Variants in ULK1 observed in about 807,000 individuals in gnomAD.
The protein encoded by ULK1 is serine/threonine-protein kinase ULK1.
ULK1 carries 48 observed loss-of-function variants against 117.5 expected under a neutral mutation model. The ratio of observed to expected loss-of-function variants is 0.41; its 90% CI spans 0.32 to 0.52. The LOEUF is 0.52. Ranked by LOEUF, ULK1 falls within the 20% of genes least tolerant of loss-of-function variation. ULK1 has a pLI of 0.29. For synonymous variants in ULK1, 790 were observed against 637.8 expected, an observed-to-expected ratio of 1.24 and a Z score of -3.60; for missense variants, 1,387 against 1,473.4, an observed-to-expected ratio of 0.94 and a Z score of 0.96.
At chr12:131,900,141 G>A (rs1338713580) in intron 3 of ULK1, among the ~76,000 whole-genome samples, 2 of 144,054 alleles carry the variant, frequency 1.4e-5, no homozygotes, top group African/African-American at 5.2e-5. Flanking sequence ...AAAAAAAACT[G>A]TTGTGGTTGT....
In ULK1 at chr12:131,895,837, G is replaced by T; in HGVS notation, c.246+13G>T. 1 of 1,614,098 alleles carries T rather than the reference G, an allele frequency of 6.2e-7. No individual in the cohort carries two copies. The highest frequency in any genetic ancestry group is 2.2e-5 in the East Asian group (1 of 44,876). ...GTACGACTTCCAGGTAAGGCCTCTGGGCTGCGGTCTGCTGGGGACCGGGCT... is the reference window on the plus strand; with the variant it reads ...GTACGACTTCCAGGTAAGGCCTCTGTGCTGCGGTCTGCTGGGGACCGGGCT... On this transcript the variant is annotated intron_variant, in intron 3 of 27. Transcript: ENST00000321867.
chr12:131,918,877 CGGGTGTGTGGGGTGTA>C (rs1566129148), intron 23 of ULK1, among the ~76,000 whole-genome samples, 196 bp downstream of exon 23: 6 of 1,518 alleles, frequency 4.0e-3, no homozygotes, highest in African/African-American at 6.4e-3. Flanking sequence ...TGTGGGGTGT[CGGGTGTGTGGGGTGTA>C]GGGTGTGGGG....
intron 3 of ULK1, among the ~76,000 whole-genome samples, chr12:131,904,392 C>T (rs1440348468): frequency 6.6e-6 from 1 of 152,220 alleles, no homozygotes; most frequent in Non-Finnish European, 1.5e-5. Context: ...AGGCGATCCT[C>T]TTGGCTTGGC....
intron 3 of ULK1, among the ~76,000 whole-genome samples, chr12:131,901,766 C>T (rs1889099810): frequency 6.6e-6 from 1 of 151,976 alleles, no homozygotes; most frequent in African/African-American, 2.4e-5. Flanking sequence ...TCTCAGCCAC[C>T]TGAAGGACAG....
intron 3 of ULK1, among the ~76,000 whole-genome samples, chr12:131,901,489 T>G (rs1446929431): frequency 6.6e-6 from 1 of 152,126 alleles, no homozygotes; most frequent in Non-Finnish European, 1.5e-5. Flanking sequence ...CCCGGGCCGC[T>G]CTCCTCCCTC....
rs992384233 is a variant in ULK1 at position 131,922,166 on chromosome 12, A to C, written c.*805A>C. 21 of 369,078 alleles carry C rather than the reference A, an allele frequency of 5.7e-5. No homozygotes were observed. Among genetic ancestry groups the C allele is most frequent in the Non-Finnish European group, 8.1e-5 (15 of 184,820 alleles). 22.9% of individuals were successfully genotyped at this position (369,078 alleles called of 1,614,324 possible). On this transcript the variant is annotated 3_prime_UTR_variant, in exon 28 of 28. Coordinates refer to ENST00000321867, the MANE Select transcript of ULK1 (RefSeq NM_003565.4). ...CCTAAAACGTGTCTTATTTTTATGC[A>C]GCTCATTTTTTCTTTAAAGGAGAAA...
chr12:131,906,247 C>T (rs1234852197), intron 3 of ULK1, among the ~76,000 whole-genome samples: 1 of 152,212 alleles, frequency 6.6e-6, no homozygotes, highest in East Asian at 1.9e-4. Flanking sequence ...GCACGCACCA[C>T]CACGCCTGGC....
At chr12:131,911,253 C>T (rs1466020091) in intron 12 of ULK1, among the ~76,000 whole-genome samples, 1 of 152,190 alleles carries the variant, frequency 6.6e-6, no homozygotes, top group Non-Finnish European at 1.5e-5. Flanking sequence ...GTCCATCTGA[C>T]TGGGAGCCTG....
chr12:131,910,779 C>T lies in ULK1; in HGVS notation c.927C>T (p.Thr309=), dbSNP rs1189833756. 1 of 1,612,638 alleles carries T rather than the reference C, an allele frequency of 6.2e-7. No individual in the cohort carries two copies. Among genetic ancestry groups the T allele is most frequent in the East Asian group, 2.2e-5 (1 of 44,874 alleles). Residue 309 remains threonine, a synonymous_variant, in exon 12 of 28, where the codon ACC becomes ACT. Transcript: ENST00000321867. ...GSGSSSSSSS[T]SHLASPPSLG... The stretch of plus-strand genomic sequence containing the variant: ...GCAGCAGCTCCAGCAGCAGCTCCAC[C>T]TCCCACCTGGCCTCCCCGCCGGTGA...
At position 131,908,677 on chromosome 12, in the gene ULK1, T is replaced by C. The variant is rs1419432801; in HGVS notation, c.350T>C (p.Leu117Pro). 1.3e-6 allele frequency: 2 copies of C among 1,580,110 alleles called. No homozygotes were observed. Among genetic ancestry groups the C allele is most frequent in the Non-Finnish European group, 1.7e-6 (2 of 1,167,268 alleles). ...ACGCTGAGCGAGGACACCATCAGGC[T>C]CTTCCTGCAGCAGATCGCGGGCGCC... ...MRTLSEDTIR[L>P]FLQQIAGAMR... The change falls in exon 6 of 28, where the codon CTC becomes CCC. Residue 117 changes from leucine to proline, a missense_variant. Physicochemically the swap from Leu to Pro is moderately conservative, Grantham distance 98. Transcript: ENST00000321867.
At chr12:131,919,695 G>C in intron 25 of ULK1, 105 bp downstream of exon 25, 4 of 1,277,996 alleles carry the variant, frequency 3.1e-6, no homozygotes, top group South Asian at 2.6e-5. Flanking sequence ...GTAGGCCCCT[G>C]TGCAGAGGTG....
chr12:131,907,946 G>C (rs533604728), intron 5 of ULK1, among the ~76,000 whole-genome samples: 1 of 146,012 alleles, frequency 6.8e-6, no homozygotes, highest in Non-Finnish European at 1.5e-5. Flanking sequence ...GGCCGCGCCC[G>C]TCTGTTCCCA....
rs976165779 is a variant in ULK1, at chr12:131,907,887, ATGTG to A, written c.316+357_316+360del. On this transcript the variant is annotated intron_variant, in intron 5 of 27. Coordinates refer to ENST00000321867, the MANE Select transcript of ULK1 (RefSeq NM_003565.4). ...TGAGCCCTGTGGCGGATGGGAGGGGATGTGCTGCACGGGGCGGGGCGGGGCAGAG... is the reference window on the plus strand; with the variant it reads ...TGAGCCCTGTGGCGGATGGGAGGGGACTGCACGGGGCGGGGCGGGGCAGAG... Among the ~76,000 whole-genome samples, 12 of 135,602 alleles carry A rather than the reference ATGTG, an allele frequency of 8.8e-5. 1 individual carries two copies. The highest frequency in any genetic ancestry group is 3.0e-4 in the African/African-American group (11 of 36,934). The allele number at this position is 135,602 out of a possible 152,430, so 89.0% of individuals were successfully genotyped here.
At chr12:131,911,685 C>T (rs958116009) in intron 12 of ULK1, among the ~76,000 whole-genome samples, 5 of 152,174 alleles carry the variant, frequency 3.3e-5, no homozygotes, top group African/African-American at 9.7e-5. Context: ...GAGCTGAGGG[C>T]TTCAACCCAC....
At position 131,921,774 on chromosome 12, in the gene ULK1, G is replaced by C. The variant is rs761933743; in HGVS notation, c.*413G>C. 1 of 515,960 alleles carries C rather than the reference G, an allele frequency of 1.9e-6. No homozygotes were observed. Among genetic ancestry groups the C allele is most frequent in the Non-Finnish European group, 3.8e-6 (1 of 266,422 alleles). 32.0% of individuals were successfully genotyped at this position (515,960 alleles called of 1,614,324 possible). On this transcript the variant is annotated 3_prime_UTR_variant, in exon 28 of 28. Transcript: ENST00000321867. ...CCCAGGAAGAGCCTGCGGCCTCGGC[G>C]TCCCCCAGTCTCCAGGAGCCTCTCC...
Position 131,915,440 on chromosome 12 carries a change from G to C in ULK1, c.1609+19G>C, listed in dbSNP as rs577978553. The stretch of plus-strand genomic sequence containing the variant: ...CGTCCAGGTGGGTGCAGTCCGGAGG[G>C]GGGAGGGGGTGCTAGGCTGACCTCC... On this transcript the variant is annotated intron_variant, in intron 18 of 27. Transcript: ENST00000321867. The C allele has an allele frequency of 2.4e-5, 38 of 1,610,802 alleles. No homozygotes were observed. Among genetic ancestry groups the C allele is most frequent in the Non-Finnish European group, 2.9e-5 (34 of 1,179,504 alleles).
Position 131,917,390 on chromosome 12 carries a change from A to C in ULK1, c.2183-21A>C, listed in dbSNP as rs1420321434. 2.1e-6 allele frequency: 3 copies of C among 1,453,964 alleles called. No individual in the cohort carries two copies. In the Admixed American group the frequency reaches 7.2e-5, roughly 35 times the overall value. The allele number at this position is 1,453,964 out of a possible 1,614,324, so 90.1% of individuals were successfully genotyped here. ...GTCGGCGGGAGTCAGGATGCTCCTG[A>C]GCCCTTCCTTGCTCTCCCAGCACCC... On this transcript the variant is annotated intron_variant, in intron 21 of 27. Coordinates refer to ENST00000321867, the MANE Select transcript of ULK1 (RefSeq NM_003565.4).
rs1889497078 is a variant in ULK1 at position 131,910,776 on chromosome 12, C to T, written c.924C>T (p.Ser308=). The T allele has an allele frequency of 3.7e-6, 6 of 1,612,524 alleles. No homozygotes were observed. Among genetic ancestry groups the T allele is most frequent in the Middle Eastern group, 3.3e-4 (2 of 6,082 alleles). ...CCGGCAGCAGCTCCAGCAGCAGCTC[C>T]ACCTCCCACCTGGCCTCCCCGCCGG... The part of the protein sequence containing the change: ...SGSGSSSSSS[S]TSHLASPPSL... Residue 308 remains serine (S), a synonymous_variant, in exon 12 of 28, where the codon TCC becomes TCT. Transcript: ENST00000321867.
At chr12:131,913,875 C>T in intron 15 of ULK1, 39 bp downstream of exon 15, 1 of 1,453,688 alleles carries the variant, frequency 6.9e-7, no homozygotes, top group Non-Finnish European at 9.1e-7. Context: ...GGGCTGTGAA[C>T]AGTCCCCCGG....
Sources: gnomAD v4.1 joint callset for allele counts (sites outside exome capture counted in the v4.1 genomes callset) on GRCh38, gnomAD v4.1.1 for gene constraint, MANE v1.5 for transcripts, NCBI Gene and HGNC (gene_info 2026-07-23, HGNC 2026-07-21) for gene names.